Variants in CHM observed in about 807,000 individuals in gnomAD.
CHM encodes the protein CHM Rab escort protein, also known as rab proteins geranylgeranyltransferase component A 1.
Under a neutral mutation model 49.0 loss-of-function variants are expected in CHM, and 10 were observed. That is an observed-to-expected ratio of 0.20 (90% CI 0.13 to 0.35). CHM has a LOEUF of 0.35. Among genes scored for constraint, CHM ranks in the 10% least tolerant of loss-of-function variants. The pLI, the probability that CHM is intolerant of heterozygous loss-of-function variation, is 1.00. For synonymous variants in CHM, 184 were observed against 167.5 expected (o/e 1.10, Z -0.76); for missense variants, 455 against 478.4 (o/e 0.95, Z 0.46).
intron 2 of CHM, among the ~76,000 whole-genome samples, chrX:86,015,490 G>A (rs1011737504): frequency 2.0e-4 from 22 of 111,746 alleles, no homozygotes; most frequent in African/African-American, 7.2e-4. Context: ...AAAGATACTC[G>A]AAAATGTGGA....
At chrX:85,951,097 C>T (rs1282420321) in intron 8 of CHM, among the ~76,000 whole-genome samples, 2 of 111,657 alleles carry the variant, frequency 1.8e-5, no homozygotes, top group Non-Finnish European at 3.8e-5. Context: ...AAGCATTTGC[C>T]ACCAGTAGAT....
At chrX:86,004,736 A>G (rs5923423) in intron 2 of CHM, among the ~76,000 whole-genome samples, 30,781 of 110,940 alleles carry the variant, frequency 0.28, 3,542 homozygotes, top group Admixed American at 0.39. Context: ...ATATGCACCA[A>G]ACACAGGAGG....
At chrX:85,890,747 G>A (rs1925392397) in intron 12 of CHM, among the ~76,000 whole-genome samples, 1 of 111,576 alleles carries the variant, frequency 9.0e-6, no homozygotes, top group African/African-American at 3.3e-5. Flanking sequence ...CAGTAAATCA[G>A]TCCCCGTAGA....
chrX:85,942,784 A>C (rs1929191766), intron 8 of CHM, among the ~76,000 whole-genome samples: 1 of 108,873 alleles, frequency 9.2e-6, no homozygotes, highest in Non-Finnish European at 1.9e-5. Context: ...ATATACTTTA[A>C]GTTTTAGGGT....
At chrX:85,930,518 T>C (rs2148193510) in intron 8 of CHM, among the ~76,000 whole-genome samples, 1 of 112,335 alleles carries the variant, frequency 8.9e-6, no homozygotes, top group South Asian at 3.7e-4. Context: ...AAATGTCTAG[T>C]TTCTAATTTA....
intron 8 of CHM, among the ~76,000 whole-genome samples, chrX:85,935,536 T>G (rs749894515): frequency 2.7e-5 from 3 of 112,099 alleles, no homozygotes; most frequent in Non-Finnish European, 5.6e-5. Flanking sequence ...TATAGCCTAT[T>G]GTTCCTAGGC....
At chrX:85,932,013 C>A (rs1928465951) in intron 8 of CHM, among the ~76,000 whole-genome samples, 1 of 111,365 alleles carries the variant, frequency 9.0e-6, no homozygotes, top group Non-Finnish European at 1.9e-5. Context: ...ACAATATGCT[C>A]CAAACTGACA....
intron 9 of CHM, among the ~76,000 whole-genome samples, chrX:85,907,954 G>A (rs945622216): frequency 1.8e-5 from 2 of 111,342 alleles, no homozygotes; most frequent in Admixed American, 9.6e-5. Context: ...GTGACAGTGG[G>A]GAGTGGAGAC....
At chrX:86,027,833 G>A (rs763347736) in intron 1 of CHM, among the ~76,000 whole-genome samples, 2 of 110,074 alleles carry the variant, frequency 1.8e-5, no homozygotes, top group South Asian at 3.9e-4. Context: ...GCGCGATCTC[G>A]GCTCACTGCA....
At chrX:85,905,598 G>A (rs1252093026) in intron 9 of CHM, among the ~76,000 whole-genome samples, 1 of 111,542 alleles carries the variant, frequency 9.0e-6, no homozygotes, top group East Asian at 2.8e-4. Context: ...GAGTATCAGG[G>A]AATGCTCTTT....
intron 12 of CHM, among the ~76,000 whole-genome samples, chrX:85,887,819 C>T (rs999346233): frequency 9.9e-5 from 11 of 111,277 alleles, no homozygotes; most frequent in Non-Finnish European, 1.9e-4. Context: ...TGCCCCTGCC[C>T]TACAGATCCG....
intron 13 of CHM, 98 bp downstream of exon 13, chrX:85,878,867 C>A: frequency 1.7e-6 from 1 of 586,425 alleles, no homozygotes; most frequent in Non-Finnish European, 2.8e-6. Flanking sequence ...GAATACATCC[C>A]ATTTCAGTTC....
intron 12 of CHM, among the ~76,000 whole-genome samples, chrX:85,888,814 A>G (rs1382908923): frequency 8.9e-6 from 1 of 112,427 alleles, no homozygotes; most frequent in Non-Finnish European, 1.9e-5. Flanking sequence ...CACTGAAAAA[A>G]TTGAGGTCTC....
intron 2 of CHM, among the ~76,000 whole-genome samples, chrX:86,000,091 T>C (rs1932627948): frequency 9.0e-6 from 1 of 111,045 alleles, no homozygotes; most frequent in Admixed American, 9.7e-5. Flanking sequence ...TCAAAGTGTA[T>C]TTTTGTTTGC....
intron 2 of CHM, among the ~76,000 whole-genome samples, chrX:86,002,346 G>A (rs1028736294): frequency 7.4e-5 from 7 of 94,376 alleles, no homozygotes; most frequent in African/African-American, 2.4e-4. Context: ...TTGTTTTCAA[G>A]CCATTGTGTC....
At chrX:86,046,549 A>G (rs771984540) in intron 1 of CHM, among the ~76,000 whole-genome samples, 1 of 112,204 alleles carries the variant, frequency 8.9e-6, no homozygotes, top group Non-Finnish European at 1.9e-5. Flanking sequence ...AACACAATGG[A>G]CAGGGTCCCA....
chrX:85,893,751 C>T (rs1028550229), intron 12 of CHM, among the ~76,000 whole-genome samples: 49 of 111,217 alleles, frequency 4.4e-4, no homozygotes, highest in Admixed American at 2.2e-3. Flanking sequence ...TCTGCTGGCA[C>T]CTTGATTTTG....
intron 12 of CHM, among the ~76,000 whole-genome samples, chrX:85,891,842 C>T (rs1199480621): frequency 8.9e-6 from 1 of 111,777 alleles, no homozygotes; most frequent in Non-Finnish European, 1.9e-5. Flanking sequence ...TGCAGACACT[C>T]AACACCAGCC....
intron 4 of CHM, chrX:85,969,321 A>T: frequency 1.3e-6 from 1 of 742,446 alleles, no homozygotes; most frequent in Non-Finnish European, 1.6e-6. Context: ...TGCAATTAAC[A>T]AGCAACGATA....
Sources: gnomAD v4.1 joint callset for allele counts (sites outside exome capture counted in the v4.1 genomes callset) on GRCh38, gnomAD v4.1.1 for gene constraint, MANE v1.5 for transcripts, NCBI Gene and HGNC (gene_info 2026-07-23, HGNC 2026-07-21) for gene names.